The following WIPI2 variants were observed in gnomAD, a reference collection of about 807,000 sequenced individuals.
The protein encoded by WIPI2 is WD repeat domain, phosphoinositide interacting 2.
In WIPI2, 28 loss-of-function variants were observed where a neutral mutation model predicts 52.3. That is an observed-to-expected ratio of 0.54 (90% CI 0.40 to 0.73). WIPI2 has a LOEUF of 0.73. WIPI2 is among the 30% of genes least tolerant of loss of function. WIPI2 has a pLI of 0.00. For missense variants in WIPI2, 506 were observed against 602.9 expected (o/e 0.84, Z 1.68); for synonymous variants, 268 against 245.0 (o/e 1.09, Z -0.88).
rs1448026931 is a variant in WIPI2 at position 5,228,177 on chromosome 7, G to T, written c.1087G>T (p.Glu363Ter). 1 of 1,613,706 alleles carries T rather than the reference G, an allele frequency of 6.2e-7. No homozygotes were observed. The highest frequency in any genetic ancestry group is 8.5e-7 in the Non-Finnish European group (1 of 1,179,986). ...GTACATGTACAACCTGGACCCCCAG[G>T]AGGGCGGCGAGTGTGCCCTGATGAA... The part of the protein sequence containing the change: ...YLYMYNLDPQ[E>*]GGECALMKQH... The change falls in exon 11 of 13, where the codon GAG becomes TAG. Residue 363 changes from glutamate (E) to a stop codon, truncating the protein, a stop_gained. Coordinates refer to ENST00000288828, the MANE Select transcript of WIPI2 (RefSeq NM_015610.4). LOFTEE classifies it high-confidence loss of function.
intron 7 of WIPI2, chr7:5,218,714 G>GT (rs1469546697): frequency 6.6e-6 from 1 of 152,266 alleles, no homozygotes; most frequent in Non-Finnish European, 1.5e-5. Flanking sequence ...CCGTGTACCT[G>GT]TGACCGCGTG....
At chr7:5,225,952 C>T in intron 9 of WIPI2, 22 bp downstream of exon 9, 2 of 1,600,434 alleles carry the variant, frequency 1.2e-6, no homozygotes, top group South Asian at 2.2e-5. Flanking sequence ...ATATACGTTT[C>T]TTTAAAAATG....
Position 5,231,080 on chromosome 7 carries a change from T to C in WIPI2, c.*133T>C, listed in dbSNP as rs1336667949. 5 of 586,458 alleles carry C rather than the reference T, an allele frequency of 8.5e-6. No homozygotes were observed. The highest frequency in any genetic ancestry group is 6.5e-5 in the East Asian group (2 of 30,692). The allele number at this position is 586,458 out of a possible 1,614,324, so 36.3% of individuals were successfully genotyped here. Reference sequence around the variant, plus strand: ...AGACTTTATTAAAAAAAAAAAAAGATTGTAGTGGTAGTCTAACTCCATAAC... The same window carrying C: ...AGACTTTATTAAAAAAAAAAAAAGACTGTAGTGGTAGTCTAACTCCATAAC... On this transcript the variant is annotated 3_prime_UTR_variant, in exon 13 of 13. Transcript: ENST00000288828.
intron 2 of WIPI2, 73 bp from the exon 3 acceptor site, chr7:5,199,503 C>T (rs543380687): frequency 3.7e-5 from 50 of 1,360,614 alleles, no homozygotes; most frequent in Middle Eastern, 1.8e-4. Flanking sequence ...TCGCTGGGAA[C>T]GTGGGAGCTG....
intron 1 of WIPI2, chr7:5,190,744 T>C (rs1316116263): frequency 5.7e-6 from 2 of 351,638 alleles, no homozygotes; most frequent in Non-Finnish European, 5.1e-6. Context: ...GCTTTCACCC[T>C]CTTGCGGGGA....
chr7:5,213,136 T>A (rs1316028225), intron 3 of WIPI2: 1 of 151,498 alleles, frequency 6.6e-6, no homozygotes, highest in Non-Finnish European at 1.5e-5. Flanking sequence ...GCCGCTAGTC[T>A]GAGATGCTGC....
Position 5,227,198 on chromosome 7 carries a change from C to G in WIPI2, c.867C>G (p.Thr289=). Residue 289 remains threonine, a synonymous_variant, in exon 10 of 13, where the codon ACC becomes ACG. Coordinates refer to ENST00000288828, the MANE Select transcript of WIPI2 (RefSeq NM_015610.4). This position sits in a 1 kb window ranked among gnomAD's most constrained non-coding sequence, Gnocchi z 8.1. ...TVKEKPPEEP[T]TWTGYFGKVL... is the part of the protein sequence containing the mutation. The stretch of plus-strand genomic sequence containing the variant: ...CTTCCAGACCCCCAGAGGAGCCCAC[C>G]ACCTGGACCGGGTACTTCGGGAAAG... 2.5e-6 allele frequency: 4 copies of G among 1,614,004 alleles called. No individual in the cohort carries two copies. Among genetic ancestry groups the G allele is most frequent in the Non-Finnish European group, 3.4e-6 (4 of 1,180,016 alleles).
At chr7:5,195,547 T>G (rs923887789) in intron 2 of WIPI2, among the ~76,000 whole-genome samples, 2 of 152,162 alleles carry the variant, frequency 1.3e-5, no homozygotes, top group Non-Finnish European at 2.9e-5. Flanking sequence ...TAAATAAACA[T>G]TTTTTGGCAA....
chr7:5,201,620 C>CGT (rs1782032388), intron 3 of WIPI2, among the ~76,000 whole-genome samples: 1 of 152,216 alleles, frequency 6.6e-6, no homozygotes, highest in South Asian at 2.1e-4. Context: ...GTGGCGCACA[C>CGT]CTGTAATCCC....
chr7:5,192,784 C>T (rs911472543), intron 1 of WIPI2, among the ~76,000 whole-genome samples: 11 of 152,164 alleles, frequency 7.2e-5, no homozygotes, highest in African/African-American at 2.7e-4. Context: ...TATACCTTTT[C>T]CTCCCTTCTT....
intron 3 of WIPI2, among the ~76,000 whole-genome samples, chr7:5,207,786 T>TTA (rs1340996295): frequency 4.0e-5 from 6 of 148,356 alleles, no homozygotes; most frequent in African/African-American, 1.5e-4. Context: ...TTTTTTTTTT[T>TTA]TTTGAGAGAG....
At chr7:5,200,087 G>A (rs113739746) in intron 3 of WIPI2, among the ~76,000 whole-genome samples, 13 of 152,350 alleles carry the variant, frequency 8.5e-5, no homozygotes, top group African/African-American at 3.1e-4. Flanking sequence ...TGTCGGAGAG[G>A]CGCATGGAAC....
chr7:5,229,069 A>G (rs538708773), intron 11 of WIPI2, among the ~76,000 whole-genome samples: 323 of 151,714 alleles, frequency 2.1e-3, no homozygotes, highest in Middle Eastern at 6.8e-3. Flanking sequence ...AGGCTGGAGT[A>G]CAGTGGCGCG....
chr7:5,197,118 C>CAAAAAAA (rs869261081), intron 2 of WIPI2, among the ~76,000 whole-genome samples: 5 of 41,436 alleles, frequency 1.2e-4, no homozygotes, highest in Non-Finnish European at 1.4e-4. Context: ...TCTCAAAAAA[C>CAAAAAAA]AAAAAAAAAA....
At chr7:5,190,760 C>T in intron 1 of WIPI2, 1 of 337,846 alleles carries the variant, frequency 3.0e-6, no homozygotes, top group Non-Finnish European at 5.3e-6. Context: ...GGGGAGGCCC[C>T]CTGGCTTCAG....
In WIPI2 at chr7:5,230,906, G is replaced by A. The variant is rs574908197; in HGVS notation, c.1324G>A (p.Glu442Lys). The A allele has an allele frequency of 1.2e-6, 2 of 1,613,818 alleles. No individual in the cohort carries two copies. Among genetic ancestry groups the A allele is most frequent in the South Asian group, 1.1e-5 (1 of 91,014 alleles). ...CGAGGCCAGCGCCCTGCGCCTGGAT[G>A]AGGACAGCGAGCACCCGCCCATGAT... ...EDEASALRLDEDSEHPPMILR... is the reference protein window; with the variant it reads ...EDEASALRLDKDSEHPPMILR... The change falls in exon 13 of 13, where the codon GAG (glutamate) becomes AAG (lysine). Residue 442 changes from glutamate to lysine, a missense_variant. This residue lies in a region of WIPI2 where 194 missense variants were observed against 175.1 expected (regional missense o/e 1.11). Transcript: ENST00000288828. This position sits in a 1 kb window ranked among gnomAD's most constrained non-coding sequence, Gnocchi z 4.8.
In WIPI2 at chr7:5,230,946, G is replaced by A; in HGVS notation, c.1364G>A (p.Ter455=). The part of the protein sequence containing the change: ...EHPPMILRTD[*] ...CCGCCCATGATTCTTCGGACTGACT[G>A]AACTTGACCTGTGACCTCTGACCCG... Residue 455 remains the stop codon, a stop_retained_variant, in exon 13 of 13, where the codon TGA becomes TAA. Coordinates refer to ENST00000288828, the MANE Select transcript of WIPI2 (RefSeq NM_015610.4). The surrounding 1 kb of genome is among the most constrained non-coding windows in gnomAD (Gnocchi z 4.8). The A allele has an allele frequency of 6.2e-7, 1 of 1,609,206 alleles. No homozygotes were observed. Among genetic ancestry groups the A allele is most frequent in the Non-Finnish European group, 8.5e-7 (1 of 1,177,356 alleles).
chr7:5,229,522 T>C, intron 11 of WIPI2, 86 bp from the exon 12 acceptor site: 1 of 1,507,990 alleles, frequency 6.6e-7, no homozygotes. Context: ...GTGTGCTGGC[T>C]CTGTTGCCGC....
At chr7:5,197,009 G>C (rs1049009044) in intron 2 of WIPI2, among the ~76,000 whole-genome samples, 37 of 147,278 alleles carry the variant, frequency 2.5e-4, no homozygotes, top group African/African-American at 9.0e-4. Context: ...CTACTTAGGA[G>C]GCTGAGGCAG....
Sources: allele counts gnomAD v4.1 joint callset (sites outside exome capture counted in the v4.1 genomes callset), GRCh38; gene constraint gnomAD v4.1.1; regional missense constraint gnomAD v4.1.1; non-coding constraint Gnocchi (gnomAD v3.1); transcripts MANE v1.5; gene names NCBI Gene and HGNC (gene_info 2026-07-23, HGNC 2026-07-21).